EPAS1: variants seen among roughly 807,000 people sequenced by gnomAD.
EPAS1 encodes the protein endothelial PAS domain-containing protein 1.
A neutral mutation model predicts 87.9 loss-of-function variants in EPAS1; 23 were observed. The ratio of observed to expected loss-of-function variants is 0.26; its 90% confidence interval spans 0.19 to 0.37. EPAS1 has a LOEUF of 0.37. Among genes scored for constraint, EPAS1 ranks in the 10% least tolerant of loss-of-function variants. The pLI is 1.00. For synonymous variants in EPAS1, 508 were observed against 444.3 expected (o/e 1.14, Z -1.80); for missense variants, 1,138 against 1,120.7 (o/e 1.02, Z -0.22).
At chr2:46,356,493 C>T (rs1287884714) in intron 3 of EPAS1, among the ~76,000 whole-genome samples, 191 bp downstream of exon 3, 3 of 152,160 alleles carry the variant, frequency 2.0e-5, no homozygotes. Context: ...TTGCTCATGT[C>T]CATCCTGGTA....
chr2:46,342,780 C>G (rs113135618), intron 1 of EPAS1, among the ~76,000 whole-genome samples: 8 of 152,182 alleles, frequency 5.3e-5, no homozygotes, highest in African/African-American at 1.9e-4. Context: ...TTTAAGATAA[C>G]GAAGCTCTGG....
chr2:46,310,421 T>A (rs2104841430), intron 1 of EPAS1, among the ~76,000 whole-genome samples: 1 of 152,316 alleles, frequency 6.6e-6, no homozygotes, highest in African/African-American at 2.4e-5. Flanking sequence ...GACCATCCCT[T>A]TGATCAATTT....
At chr2:46,321,755 A>C (rs1683458143) in intron 1 of EPAS1, among the ~76,000 whole-genome samples, 1 of 144,950 alleles carries the variant, frequency 6.9e-6, no homozygotes, top group African/African-American at 2.5e-5. Flanking sequence ...TACACCTGTG[A>C]GGCAAACAAA....
At position 46,360,281 on chromosome 2, in the gene EPAS1, G is replaced by A. The variant is rs1259580177; in HGVS notation, c.455-357G>A. 6.6e-6 allele frequency among the ~76,000 whole-genome samples: 1 copy of A among 152,226 alleles called. No individual in the cohort carries two copies. The highest frequency in any genetic ancestry group is 2.4e-5 in the African/African-American group (1 of 41,460). ...CTGTCCCTTGGAATTTCTGCGAGAA[G>A]ACCTGGGCCTGCCCCAGGAAAGGGT... is the stretch of plus-strand genomic sequence containing the variant. On this transcript the variant is annotated intron_variant, in intron 4 of 15. Coordinates refer to ENST00000263734, the MANE Select transcript of EPAS1 (RefSeq NM_001430.5). The surrounding 1 kb of genome is among the most constrained non-coding windows in gnomAD (Gnocchi z 4.5).
At chr2:46,317,374 C>T (rs1683364254) in intron 1 of EPAS1, among the ~76,000 whole-genome samples, 1 of 152,192 alleles carries the variant, frequency 6.6e-6, no homozygotes, top group Admixed American at 6.5e-5. Context: ...ACTCCTTGAT[C>T]CATGGGCTTC....
At chr2:46,374,798 C>G (rs939920230) in intron 7 of EPAS1, among the ~76,000 whole-genome samples, 3 of 152,186 alleles carry the variant, frequency 2.0e-5, no homozygotes, top group Non-Finnish European at 4.4e-5. Context: ...ATGGAACATT[C>G]TGGACTGGGG....
chr2:46,357,383 A>G (rs1684288791), intron 4 of EPAS1, among the ~76,000 whole-genome samples: 1 of 152,180 alleles, frequency 6.6e-6, no homozygotes, highest in African/African-American at 2.4e-5. Context: ...CTCAGTTGGC[A>G]TGCTGGGACA....
intron 1 of EPAS1, among the ~76,000 whole-genome samples, chr2:46,301,394 G>C (rs1168026497): frequency 6.6e-6 from 1 of 152,062 alleles, no homozygotes; most frequent in Non-Finnish European, 1.5e-5. Flanking sequence ...GGTCAACATG[G>C]TGAAACCCCG....
intron 1 of EPAS1, among the ~76,000 whole-genome samples, chr2:46,299,213 C>A (rs918566082): frequency 6.6e-6 from 1 of 152,270 alleles, no homozygotes; most frequent in Admixed American, 6.5e-5. Flanking sequence ...CGGTTCCCAC[C>A]TCGGGGCACC....
intron 1 of EPAS1, among the ~76,000 whole-genome samples, chr2:46,308,150 C>A (rs895328641): frequency 1.3e-5 from 2 of 152,186 alleles, no homozygotes; most frequent in Admixed American, 6.5e-5. Context: ...ACTTCTATTC[C>A]CTCACACTAG....
chr2:46,356,206 C>T lies in EPAS1; in HGVS notation c.273C>T (p.Tyr91=), dbSNP rs2103628586. The T allele has an allele frequency of 6.3e-7, 1 of 1,596,918 alleles. No individual in the cohort carries two copies. The highest frequency in any genetic ancestry group is 8.5e-7 in the Non-Finnish European group (1 of 1,170,332). ...CTGACCAGCAGATGGACAACTTGTA[C>T]CTGAAAGCCTTGGAGGGTTTCATTG... ...AEADQQMDNL[Y]LKALEGFIAV... Residue 91 remains tyrosine, a synonymous_variant, in exon 3 of 16, where the codon TAC becomes TAT. Transcript: ENST00000263734.
At position 46,377,888 on chromosome 2, in the gene EPAS1, C is replaced by G; in HGVS notation, c.1250-6C>G. The stretch of plus-strand genomic sequence containing the variant: ...GTGTTCACCTCCCAGGCCCTTGTCT[C>G]CACAGGGAATCAGAACTTCGAGGAG... On this transcript the variant is annotated splice_region_variant and splice_polypyrimidine_tract_variant and intron_variant, in intron 9 of 15. Transcript: ENST00000263734. 1 of 1,552,054 alleles carries G rather than the reference C, an allele frequency of 6.4e-7. No homozygotes were observed. Among genetic ancestry groups the G allele is most frequent in the Non-Finnish European group, 8.7e-7 (1 of 1,147,134 alleles).
At chr2:46,349,434 T>C (rs17035013) in intron 2 of EPAS1, among the ~76,000 whole-genome samples, 56,766 of 151,998 alleles carry the variant, frequency 0.37, 12,005 homozygotes, top group East Asian at 0.77. Flanking sequence ...CCCACAGAGA[T>C]AGGACCAGAG....
rs1572646785 is a variant in EPAS1 at position 46,376,828 on chromosome 2, C to T, written c.1249+75C>T. ...GAAGAGTTCTTACTATAACAGGCCT[C>T]CCTGGCTGCAGCTTTTTCTTAACCA... is the stretch of plus-strand genomic sequence containing the variant. On this transcript the variant is annotated intron_variant, in intron 9 of 15. Coordinates refer to ENST00000263734, the MANE Select transcript of EPAS1 (RefSeq NM_001430.5). The T allele has an allele frequency of 4.0e-6, 6 of 1,491,440 alleles. No individual in the cohort carries two copies. The Admixed American group carries it at 8.5e-5, about 21-fold the overall frequency. 92.4% of individuals were successfully genotyped at this position (1,491,440 alleles called of 1,614,324 possible). A position where few individuals can be genotyped will look rare whatever the true frequency, so the allele number is the denominator to read the frequency against.
rs73926266 is a variant in EPAS1 at position 46,343,612 on chromosome 2, A to T, written c.27-3261A>T. ...AAATGAGATAACACATGTTAAGAAG[A>T]AGTGCTTTCTGTAAAGGCATTATTA... On this transcript the variant is annotated intron_variant, in intron 1 of 15. Transcript: ENST00000263734. 8.7e-3 allele frequency among the ~76,000 whole-genome samples: 1,321 copies of T among 152,326 alleles called. 15 individuals carry two copies. Among genetic ancestry groups the T allele is most frequent in the African/African-American group, 0.029 (1,216 of 41,566 alleles).
chr2:46,372,095 A>C (rs901985270), intron 7 of EPAS1, among the ~76,000 whole-genome samples: 2 of 152,162 alleles, frequency 1.3e-5, no homozygotes, highest in Admixed American at 6.5e-5. Context: ...GAATCCGTGT[A>C]TTTACTTATT....
In EPAS1 at chr2:46,377,945, C is replaced by T. The variant is rs745357489; in HGVS notation, c.1301C>T (p.Pro434Leu). 33 of 1,558,244 alleles carry T rather than the reference C, an allele frequency of 2.1e-5. No homozygotes were observed. The highest frequency in any genetic ancestry group is 2.6e-5 in the Non-Finnish European group (30 of 1,150,732). The change falls in exon 10 of 16, where the codon CCG becomes CTG. Residue 434 changes from proline (P) to leucine (L), a missense_variant. Transcript: ENST00000263734. Reference protein sequence around the residue: ...SSAYGKAILPPSQPWATELRS... With the variant: ...SSAYGKAILPLSQPWATELRS... ...GCCTATGGCAAGGCCATCCTGCCCC[C>T]GAGCCAGCCATGGGCCACGGAGTTG... is the stretch of plus-strand genomic sequence containing the variant.
chr2:46,378,602 C>G, intron 10 of EPAS1, 55 bp from the exon 11 acceptor site: 1 of 1,487,244 alleles, frequency 6.7e-7, no homozygotes, highest in Non-Finnish European at 9.4e-7. Flanking sequence ...TGCTGGACTT[C>G]TGGGGAGACC....
At position 46,369,912 on chromosome 2, in the gene EPAS1, A is replaced by G. The variant is rs746764548; in HGVS notation, c.865A>G (p.Met289Val). 1.9e-6 allele frequency: 3 copies of G among 1,611,602 alleles called. No homozygotes were observed. The highest frequency in any genetic ancestry group is 2.2e-5 in the South Asian group (2 of 90,370). ...CTACCATGCGCTAGACTCCGAGAAC[A>G]TGACCAAGAGTCACCAGAACTGTGA... ...EFYHALDSEN[M>V]TKSHQNLCTK... is the part of the protein sequence containing the mutation. The change falls in exon 7 of 16, where the codon ATG becomes GTG. Residue 289 changes from methionine to valine, a missense_variant. This residue lies in a region of EPAS1 where 351 missense variants were observed against 417.1 expected (regional missense o/e 0.84). Transcript: ENST00000263734.
Sources: gnomAD v4.1 joint callset for allele counts (sites outside exome capture counted in the v4.1 genomes callset) on GRCh38, gnomAD v4.1.1 for gene constraint, gnomAD v4.1.1 regional missense constraint, Gnocchi (gnomAD v3.1) non-coding constraint, MANE v1.5 for transcripts, NCBI Gene and HGNC (gene_info 2026-07-23, HGNC 2026-07-21) for gene names.